The following PARP12 variants were observed in gnomAD, a reference collection of about 807,000 sequenced individuals.
The protein encoded by PARP12 is protein mono-ADP-ribosyltransferase PARP12.
PARP12 carries 59 observed loss-of-function variants against 72.4 expected under a neutral mutation model. The observed-to-expected ratio is 0.81, with a 90% CI of 0.66 to 1.01. PARP12 has a LOEUF of 1.01. Ranked by LOEUF, PARP12 falls within the 50% of genes least tolerant of loss-of-function variation. The pLI, the probability that PARP12 is intolerant of heterozygous loss-of-function variation, is 0.00. For synonymous variants in PARP12, 403 were observed against 371.4 expected, an observed-to-expected ratio of 1.09 and a Z score of -0.98; for missense variants, 851 against 914.0, an observed-to-expected ratio of 0.93 and a Z score of 0.89.
intron 5 of PARP12, among the ~76,000 whole-genome samples, chr7:140,043,214 G>A (rs537251312): frequency 6.6e-6 from 1 of 152,134 alleles, no homozygotes; most frequent in South Asian, 2.1e-4. Flanking sequence ...AATTTCCAAA[G>A]AAATTTCCAT....
intron 6 of PARP12, among the ~76,000 whole-genome samples, chr7:140,040,342 C>G (rs894703352): frequency 6.6e-6 from 1 of 152,100 alleles, no homozygotes; most frequent in African/African-American, 2.4e-5. Flanking sequence ...GGGAGGGAGA[C>G]AGGTGGGAAA....
chr7:140,027,550 A>T, intron 9 of PARP12, 144 bp from the exon 10 acceptor site: 1 of 943,982 alleles, frequency 1.1e-6, no homozygotes, highest in Non-Finnish European at 1.6e-6. Context: ...TGGTTTCTCC[A>T]GGCACAGGAG....
rs539142185 is a variant in PARP12 at position 140,057,017 on chromosome 7, T to C, written c.599A>G (p.Asp200Gly). Residue 200 changes from aspartate (D) to glycine (G), a missense_variant, in exon 3 of 12, where the codon GAT becomes GGT. Asp to Gly is a moderately conservative substitution (Grantham distance 94). Coordinates refer to ENST00000263549, the MANE Select transcript of PARP12 (RefSeq NM_022750.4). ...KFGTSCKRSHDFSNSENLEKL... is the reference protein window; with the variant it reads ...KFGTSCKRSHGFSNSENLEKL... ...TTCCAGATTCTCAGAATTAGAGAAA[T>C]CATGGGATCTCTTACAGCTAGTGCC... 5.0e-6 allele frequency: 8 copies of C among 1,614,090 alleles called. No individual in the cohort carries two copies. The highest frequency in any genetic ancestry group is 1.3e-5 in the African/African-American group (1 of 74,932).
In PARP12 at chr7:140,061,699, C is replaced by A. The variant is rs565163145; in HGVS notation, c.326+823G>T. On this transcript the variant is annotated intron_variant, in intron 1 of 11. Coordinates refer to ENST00000263549, the MANE Select transcript of PARP12 (RefSeq NM_022750.4). The stretch of plus-strand genomic sequence containing the variant: ...GCATAAACCTCAGCAATCCCTTCCA[C>A]ACATCCCACTGGCCACATGCTATGC... Among the ~76,000 whole-genome samples, 109 of 152,296 alleles carry A rather than the reference C, an allele frequency of 7.2e-4. No individual in the cohort carries two copies. In the South Asian group the frequency reaches 0.013, roughly 18 times the overall value.
At chr7:140,025,101 T>A (rs1585077872) in intron 11 of PARP12, 1 of 570,110 alleles carries the variant, frequency 1.8e-6, no homozygotes, top group Non-Finnish European at 3.1e-6. Context: ...ATCTGAGGAG[T>A]TACCAAACTG....
intron 4 of PARP12, 102 bp from the exon 5 acceptor site, chr7:140,047,109 A>G: frequency 7.5e-7 from 1 of 1,330,194 alleles, no homozygotes; most frequent in Non-Finnish European, 1.0e-6. Context: ...ACCTGGGAAC[A>G]TTCTGAAATG....
chr7:140,042,645 A>T (rs1161525449), intron 5 of PARP12, among the ~76,000 whole-genome samples: 1 of 152,184 alleles, frequency 6.6e-6, no homozygotes, highest in East Asian at 1.9e-4. Flanking sequence ...AAGATGACCC[A>T]CCTTAGTAAA....
At chr7:140,044,455 GGCATGCC>G (rs1371614596) in intron 5 of PARP12, among the ~76,000 whole-genome samples, 9 of 152,142 alleles carry the variant, frequency 5.9e-5, no homozygotes, top group Admixed American at 5.9e-4. Context: ...TACAAGCCAA[GGCATGCC>G]AAGGATTTCT....
chr7:140,026,541 T>A (rs976773066), intron 10 of PARP12, among the ~76,000 whole-genome samples, 193 bp from the exon 11 acceptor site: 47 of 152,166 alleles, frequency 3.1e-4, no homozygotes, highest in African/African-American at 9.4e-4. Flanking sequence ...AGGGGGATCG[T>A]GGGAGCTGGG....
rs528062153 is a variant in PARP12 at position 140,025,277 on chromosome 7, G to A, written c.1781-392C>T. 27 of 295,998 alleles carry A rather than the reference G, an allele frequency of 9.1e-5. No individual in the cohort carries two copies. The East Asian group carries it at 1.2e-3, about 13-fold the overall frequency. The allele number at this position is 295,998 out of a possible 1,614,324, so 18.3% of individuals were successfully genotyped here. On this transcript the variant is annotated intron_variant, in intron 11 of 11. Transcript: ENST00000263549. ...GGAAAATGAATGAGATCCCATATAC[G>A]GAAGCAGTCTGTAGACTCTGGCAGC...
In PARP12 at chr7:140,062,552, A is replaced by G; in HGVS notation, c.296T>C (p.Val99Ala). The change falls in exon 1 of 12, where the codon GTC becomes GCC. Residue 99 changes from valine (V) to alanine (A), a missense_variant. Val to Ala is a moderately conservative substitution (Grantham distance 64). Transcript: ENST00000263549. Reference sequence around the variant, plus strand: ...TCTCAGGAACTTGCAGGCGCCGTAGACCATGAACCTGCAGAGGTGGAGCTG... The same window carrying G: ...TCTCAGGAACTTGCAGGCGCCGTAGGCCATGAACCTGCAGAGGTGGAGCTG... Reference protein sequence around the residue: ...CAQLHLCRFMVYGACKFLRAG... With the variant: ...CAQLHLCRFMAYGACKFLRAG... 1 of 1,556,184 alleles carries G rather than the reference A, an allele frequency of 6.4e-7. No individual in the cohort carries two copies. Among genetic ancestry groups the G allele is most frequent in the Non-Finnish European group, 8.7e-7 (1 of 1,155,476 alleles).
intron 5 of PARP12, among the ~76,000 whole-genome samples, 163 bp downstream of exon 5, chr7:140,046,721 A>AGTGT (rs9340757): frequency 0.06 from 8,083 of 135,424 alleles, 426 homozygotes; most frequent in Non-Finnish European, 0.087. Context: ...GGTGGCTCAC[A>AGTGT]GTGTGTGTGT....
At chr7:140,030,362 C>T (rs1489570113) in intron 8 of PARP12, among the ~76,000 whole-genome samples, 2 of 152,198 alleles carry the variant, frequency 1.3e-5, no homozygotes, top group Non-Finnish European at 2.9e-5. Flanking sequence ...CTTTGGGAGG[C>T]CGAGGTGGGC....
In PARP12 at chr7:140,062,756, C is replaced by G; in HGVS notation, c.92G>C (p.Arg31Pro). 1 of 1,387,016 alleles carries G rather than the reference C, an allele frequency of 7.2e-7. No homozygotes were observed. The allele number at this position is 1,387,016 out of a possible 1,614,324, so 85.9% of individuals were successfully genotyped here. ...LELPELRRRL[R>P]MGLSADALER... ...CAGCGCGTCGGCGCTCAAGCCCATC[C>G]GCAAGCGGCGCCGCAGCTCGGGCAA... Residue 31 changes from arginine (R) to proline (P), a missense_variant, in exon 1 of 12, where the codon CGG (arginine) becomes CCG (proline). Coordinates refer to ENST00000263549, the MANE Select transcript of PARP12 (RefSeq NM_022750.4).
intron 10 of PARP12, 37 bp downstream of exon 10, chr7:140,027,239 A>G (rs1471868860): frequency 6.2e-7 from 1 of 1,603,864 alleles, no homozygotes; most frequent in Admixed American, 1.7e-5. Context: ...GTGAAGGGAC[A>G]GAGTCACCAG....
chr7:140,027,624 C>G, intron 9 of PARP12: 1 of 418,038 alleles, frequency 2.4e-6, no homozygotes, highest in Non-Finnish European at 4.4e-6. Context: ...AGTAAAACAA[C>G]AAACCTCTTG....
intron 5 of PARP12, among the ~76,000 whole-genome samples, chr7:140,044,813 C>T (rs965531853): frequency 6.6e-6 from 1 of 152,106 alleles, no homozygotes; most frequent in Admixed American, 6.6e-5. Context: ...ACAAAATACA[C>T]AATTACCTCC....
chr7:140,038,347 T>C, intron 6 of PARP12: 1 of 955,476 alleles, frequency 1.0e-6, no homozygotes, highest in Non-Finnish European at 1.2e-6. Context: ...ATTATCCATT[T>C]CAATCCCTAT....
intron 8 of PARP12, chr7:140,033,779 C>T (rs2116536700): frequency 1.0e-6 from 1 of 989,770 alleles, no homozygotes; most frequent in Non-Finnish European, 1.2e-6. Flanking sequence ...CCTGACGAAG[C>T]TCGCCCATTA....
Sources: gnomAD v4.1 joint callset for allele counts (sites outside exome capture counted in the v4.1 genomes callset) on GRCh38, gnomAD v4.1.1 for gene constraint, MANE v1.5 for transcripts, NCBI Gene and HGNC (gene_info 2026-07-23, HGNC 2026-07-21) for gene names.